The following ERP44 variants were observed in gnomAD, a reference collection of about 807,000 sequenced individuals.
The protein encoded by ERP44 is endoplasmic reticulum resident protein 44.
Under a neutral mutation model 53.4 loss-of-function variants are expected in ERP44, and 25 were observed. That is an observed-to-expected ratio of 0.47 (90% CI 0.34 to 0.65). The LOEUF (loss-of-function observed/expected upper bound fraction) is 0.65, where lower values mean the gene tolerates loss of function less well. ERP44 is among the 30% of genes least tolerant of loss of function. ERP44 has a pLI of 0.01. For synonymous variants in ERP44, 145 were observed against 161.2 expected, an observed-to-expected ratio of 0.90 and a Z score of 0.76; for missense variants, 338 against 493.2, an observed-to-expected ratio of 0.69 and a Z score of 2.98.
At chr9:100,068,606 G>C (rs1190656457) in intron 1 of ERP44, among the ~76,000 whole-genome samples, 2 of 146,398 alleles carry the variant, frequency 1.4e-5, no homozygotes, top group African/African-American at 5.0e-5. Flanking sequence ...TGCCCCGTCC[G>C]GGAGGGAGGT....
At chr9:100,001,709 T>C (rs1830379890) in intron 10 of ERP44, among the ~76,000 whole-genome samples, 1 of 152,186 alleles carries the variant, frequency 6.6e-6, no homozygotes, top group South Asian at 2.1e-4. Context: ...CTGTGTCCCT[T>C]ATAGGTGAAG....
chr9:99,987,682 T>C (rs1174670850), intron 10 of ERP44, among the ~76,000 whole-genome samples: 1 of 152,230 alleles, frequency 6.6e-6, no homozygotes, highest in Non-Finnish European at 1.5e-5. Context: ...TAAGTCAGAC[T>C]CTTCCATTTC....
chr9:100,076,264 G>A (rs568563532), intron 1 of ERP44, among the ~76,000 whole-genome samples: 10 of 152,278 alleles, frequency 6.6e-5, no homozygotes, highest in African/African-American at 1.9e-4. Flanking sequence ...ATACATACAC[G>A]ATCGGGCTCA....
rs751046745 is a variant in ERP44 at position 99,998,554 on chromosome 9, C to T, written c.1016+7952G>A. On this transcript the variant is annotated intron_variant, in intron 10 of 11. Coordinates refer to ENST00000262455, the MANE Select transcript of ERP44 (RefSeq NM_015051.3). ...GCTAATCTTCACGCCTTCTGGAAAG[C>T]CAGTCAGGCTCGTGGTGAGCTCTGT... 8.3e-6 allele frequency: 6 copies of T among 726,740 alleles called. No individual in the cohort carries two copies. In the African/African-American group the frequency reaches 1.0e-4, roughly 13 times the overall value. The allele number at this position is 726,740 out of a possible 1,614,324, so 45.0% of individuals were successfully genotyped here. A position where few individuals can be genotyped will look rare whatever the true frequency, so the allele number is the denominator to read the frequency against.
At chr9:100,055,750 A>T (rs1826082125) in intron 3 of ERP44, among the ~76,000 whole-genome samples, 1 of 152,202 alleles carries the variant, frequency 6.6e-6, no homozygotes, top group African/African-American at 2.4e-5. Flanking sequence ...ATGTTCCCAT[A>T]AATATTAGGT....
intron 4 of ERP44, among the ~76,000 whole-genome samples, chr9:100,023,735 G>A (rs1361510616): frequency 6.6e-6 from 1 of 152,064 alleles, no homozygotes; most frequent in Non-Finnish European, 1.5e-5. Flanking sequence ...GTGAGCCACT[G>A]TGCCTAGCCA....
chr9:99,983,428 C>G (rs1349189866), intron 11 of ERP44, among the ~76,000 whole-genome samples: 1 of 151,298 alleles, frequency 6.6e-6, no homozygotes, highest in Non-Finnish European at 1.5e-5. Flanking sequence ...GCCTGTAGTC[C>G]CAGCTACTCG....
intron 1 of ERP44, among the ~76,000 whole-genome samples, chr9:100,089,177 C>A (rs761898394): frequency 1.3e-5 from 2 of 152,200 alleles, no homozygotes; most frequent in Non-Finnish European, 2.9e-5. Context: ...CATAACCCGC[C>A]CCTTATCAAC....
chr9:99,996,440 G>A (rs1215366767), intron 10 of ERP44, among the ~76,000 whole-genome samples: 2 of 152,164 alleles, frequency 1.3e-5, no homozygotes, highest in Non-Finnish European at 2.9e-5. Context: ...TGTACAGCCT[G>A]TAGAACCATA....
intron 1 of ERP44, among the ~76,000 whole-genome samples, chr9:100,089,449 C>T (rs1348600680): frequency 2.0e-5 from 3 of 151,804 alleles, no homozygotes; most frequent in South Asian, 2.1e-4. Flanking sequence ...GGTGTAGTGG[C>T]GAGTGCCTGT....
intron 4 of ERP44, among the ~76,000 whole-genome samples, chr9:100,044,427 A>G (rs1366701218): frequency 1.3e-5 from 2 of 150,820 alleles, no homozygotes; most frequent in Non-Finnish European, 3.0e-5. Flanking sequence ...TTTTTTTTTT[A>G]ATGGACAGAA....
At chr9:99,996,198 A>G (rs1830308465) in intron 10 of ERP44, among the ~76,000 whole-genome samples, 1 of 152,122 alleles carries the variant, frequency 6.6e-6, no homozygotes, top group Non-Finnish European at 1.5e-5. Context: ...ATCCCTCATG[A>G]ATGGCTTGGT....
chr9:100,068,458 C>T (rs7032015), intron 1 of ERP44, among the ~76,000 whole-genome samples: 77 of 134,458 alleles, frequency 5.7e-4, no homozygotes, highest in African/African-American at 2.0e-3. Context: ...TCTGCCCGGC[C>T]GCCCCTACTG....
intron 4 of ERP44, among the ~76,000 whole-genome samples, chr9:100,043,056 G>A (rs1564096238): frequency 6.6e-6 from 1 of 151,214 alleles, no homozygotes; most frequent in East Asian, 2.0e-4. Context: ...TCAGGAAATC[G>A]AGACCATCCT....
chr9:100,091,633 G>C (rs1010715032), intron 1 of ERP44, among the ~76,000 whole-genome samples: 4 of 152,098 alleles, frequency 2.6e-5, no homozygotes, highest in African/African-American at 9.7e-5. Flanking sequence ...TTCCATTCAG[G>C]ACTGAAAATA....
chr9:99,984,530 G>C (rs530263250), intron 11 of ERP44, among the ~76,000 whole-genome samples: 1 of 152,266 alleles, frequency 6.6e-6, no homozygotes, highest in South Asian at 2.1e-4. Flanking sequence ...TAGTGTATTT[G>C]TGAAGGCTCT....
At chr9:100,063,617 A>G (rs1322607838) in intron 1 of ERP44, among the ~76,000 whole-genome samples, 2 of 152,194 alleles carry the variant, frequency 1.3e-5, no homozygotes, top group Non-Finnish European at 2.9e-5. Flanking sequence ...GACTTGAATA[A>G]AACTTTTAAA....
At chr9:100,096,963 G>A (rs778516637) in intron 1 of ERP44, among the ~76,000 whole-genome samples, 5 of 152,190 alleles carry the variant, frequency 3.3e-5, no homozygotes, top group South Asian at 2.1e-4. Context: ...ACTAGCATAT[G>A]AGTATTAAAA....
At chr9:100,019,462 A>C (rs1297556933) in intron 6 of ERP44, among the ~76,000 whole-genome samples, 2 of 152,198 alleles carry the variant, frequency 1.3e-5, no homozygotes, top group African/African-American at 4.8e-5. Context: ...ACAAACAATA[A>C]AGGTCAAAAA....
Sources: gnomAD v4.1 joint callset for allele counts (sites outside exome capture counted in the v4.1 genomes callset) on GRCh38, gnomAD v4.1.1 for gene constraint, MANE v1.5 for transcripts, NCBI Gene and HGNC (gene_info 2026-07-23, HGNC 2026-07-21) for gene names.